OR2B11: variants seen among roughly 807,000 people sequenced by gnomAD.
OR2B11 encodes olfactory receptor family 2 subfamily B member 11.
For missense variants in OR2B11, 422 were observed against 400.0 expected, an observed-to-expected ratio of 1.05 and a Z score of -0.47; for synonymous variants, 198 against 174.5, an observed-to-expected ratio of 1.13 and a Z score of -1.06.
intron 1 of OR2B11, among the ~76,000 whole-genome samples, chr1:247,456,822 A>C (rs1664973603): frequency 6.6e-6 from 1 of 152,084 alleles, no homozygotes; most frequent in Non-Finnish European, 1.5e-5. Flanking sequence ...ATGTGTTCTC[A>C]TTGTTCAAGT....
Position 247,450,514 on chromosome 1 carries a change from A to C in OR2B11, c.*515T>G, listed in dbSNP as rs1272889578. The C allele has an allele frequency of 1.3e-5, 2 of 152,398 alleles. No homozygotes were observed. The highest frequency in any genetic ancestry group is 4.1e-4 in the South Asian group (2 of 4,834). 9.4% of individuals were successfully genotyped at this position (152,398 alleles called of 1,614,324 possible). On this transcript the variant is annotated 3_prime_UTR_variant, in exon 2 of 2. Transcript: ENST00000641149. ...ATGGAAAAACTTTCTATAGAAGAAA[A>C]TGTGAACTACAGAGAAAAAAAAATC...
Position 247,450,950 on chromosome 1 carries a change from A to T in OR2B11, c.*79T>A. ...TGAGCTCTCTGGGTATTAACTCCTT[A>T]AGTGAAAGATGCTCTGAGTGCACAA... On this transcript the variant is annotated 3_prime_UTR_variant, in exon 2 of 2. Transcript: ENST00000641149. The T allele has an allele frequency of 1.2e-6, 1 of 834,346 alleles. No individual in the cohort carries two copies. The highest frequency in any genetic ancestry group is 1.8e-6 in the Non-Finnish European group (1 of 568,470). The allele number at this position is 834,346 out of a possible 1,614,324, so 51.7% of individuals were successfully genotyped here.
rs146607138 is a variant in OR2B11, at chr1:247,451,877, G to A, written c.106C>T (p.Leu36=). Residue 36 remains leucine (L), a synonymous_variant, in exon 2 of 2, where the codon CTG becomes TTG. Transcript: ENST00000641149. ...WLELPLFVVL[L]LSYVLAMLGN... is the part of the protein sequence containing the mutation. ...AACATGGCCAGCACATAGGACAGCA[G>A]GAGGACCACAAAGAGAGGGAGTTCC... is the stretch of plus-strand genomic sequence containing the variant. The A allele has an allele frequency of 3.6e-5, 58 of 1,614,106 alleles. 1 individual carries two copies. The Middle Eastern group carries it at 1.6e-3, about 46-fold the overall frequency.
rs745322436 is a variant in OR2B11 at position 247,451,147 on chromosome 1, G to T, written c.836C>A (p.Ser279Tyr). The T allele has an allele frequency of 2.0e-6, 3 of 1,534,888 alleles. No homozygotes were observed. Among genetic ancestry groups the T allele is most frequent in the Non-Finnish European group, 2.6e-6 (3 of 1,140,934 alleles). Residue 279 changes from serine to tyrosine, a missense_variant, in exon 2 of 2, where the codon TCT (serine) becomes TAT (tyrosine). Ser to Tyr is a moderately radical substitution (Grantham distance 144, BLOSUM62 -2). Coordinates refer to ENST00000641149, the MANE Select transcript of OR2B11 (RefSeq NM_001004492.2). ...SYSQEQGKFI[S>Y]LFYSIITPTL... ...GGGGGTGATTATGGAATAGAAGAGA[G>T]AAATAAATTTGCCCTGCTCTTGGGA...
At chr1:247,456,662 G>A (rs528882618) in intron 1 of OR2B11, among the ~76,000 whole-genome samples, 3 of 151,414 alleles carry the variant, frequency 2.0e-5, no homozygotes, top group Admixed American at 2.0e-4. Context: ...GCAGAACGTG[G>A]AGGTTTGTTA....
Position 247,450,483 on chromosome 1 carries a change from C to T in OR2B11, c.*546G>A, listed in dbSNP as rs763063192. 6.6e-6 allele frequency: 1 copy of T among 152,018 alleles called. No homozygotes were observed. Among genetic ancestry groups the T allele is most frequent in the Non-Finnish European group, 1.5e-5 (1 of 68,034 alleles). 9.4% of individuals were successfully genotyped at this position (152,018 alleles called of 1,614,324 possible). On this transcript the variant is annotated 3_prime_UTR_variant, in exon 2 of 2. Transcript: ENST00000641149. ...TTGTACTAGTGTTTGTACTAGTTTA[C>T]ATTTCATGGAAAAACTTTCTATAGA...
chr1:247,451,045 C>T lies in OR2B11; in HGVS notation c.938G>A (p.Trp313Ter). The change falls in exon 2 of 2, where the codon TGG becomes TAG. Residue 313 changes from tryptophan to a stop codon, truncating the protein, a stop_gained. Transcript: ENST00000641149. LOFTEE classifies it high-confidence loss of function. ...GALRRLLARI[W>*]RLCG ...ATGTCCTCATCATCCACAGAGCCTC[C>T]AGATCCTGGCCAGAAGTCTCCTCAG... The T allele has an allele frequency of 6.7e-7, 1 of 1,498,750 alleles. No homozygotes were observed. The highest frequency in any genetic ancestry group is 1.4e-5 in the African/African-American group (1 of 71,458). 92.8% of individuals were successfully genotyped at this position (1,498,750 alleles called of 1,614,324 possible). A position where few individuals can be genotyped will look rare whatever the true frequency, so the allele number is the denominator to read the frequency against.
chr1:247,455,885 A>C (rs1664956047), intron 1 of OR2B11, among the ~76,000 whole-genome samples: 1 of 152,198 alleles, frequency 6.6e-6, no homozygotes, highest in Non-Finnish European at 1.5e-5. Context: ...ATTTAACACT[A>C]TTCATCATCT....
In OR2B11 at chr1:247,453,868, C is replaced by T. The variant is rs1444450394; in HGVS notation, c.-1886G>A. On this transcript the variant is annotated 5_prime_UTR_variant, in exon 2 of 2. Coordinates refer to ENST00000641149, the MANE Select transcript of OR2B11 (RefSeq NM_001004492.2). The stretch of plus-strand genomic sequence containing the variant: ...TAATTGACTGAGCGACTCGGGAGGA[C>T]AGCTGGTCTACCTTAGTTACACGGC... The T allele has an allele frequency of 6.6e-6, 1 of 152,220 alleles. No homozygotes were observed. Among genetic ancestry groups the T allele is most frequent in the Non-Finnish European group, 1.5e-5 (1 of 68,054 alleles). The allele number at this position is 152,220 out of a possible 1,614,324, so 9.4% of individuals were successfully genotyped here.
chr1:247,451,271 G>T lies in OR2B11; in HGVS notation c.712C>A (p.Arg238=). Residue 238 remains arginine, a synonymous_variant, in exon 2 of 2, where the codon CGA becomes AGA. Coordinates refer to ENST00000641149, the MANE Select transcript of OR2B11 (RefSeq NM_001004492.2). ...AVLRIQSSKG[R]HKAFGTCSSH... ...GAACACGTCCCAAAGGCCTTGTGTC[G>T]TCCCTTGGAGGACTGGATCCTGAGC... The T allele has an allele frequency of 6.2e-7, 1 of 1,613,760 alleles. No homozygotes were observed. Among genetic ancestry groups the T allele is most frequent in the Non-Finnish European group, 8.5e-7 (1 of 1,179,772 alleles).
Position 247,449,225 on chromosome 1 carries a change from G to A in OR2B11, c.*1804C>T, listed in dbSNP as rs571415711. 14 of 152,356 alleles carry A rather than the reference G, an allele frequency of 9.2e-5. No homozygotes were observed. The South Asian group carries it at 2.9e-3, about 32-fold the overall frequency. 9.4% of individuals were successfully genotyped at this position (152,356 alleles called of 1,614,324 possible). On this transcript the variant is annotated 3_prime_UTR_variant, in exon 2 of 2. Coordinates refer to ENST00000641149, the MANE Select transcript of OR2B11 (RefSeq NM_001004492.2). ...TTCCATTGTAGATAATTTTTAAAAC[G>A]TTACCTCACTCTAACTGTAATGAGT...
rs1306734765 is a variant in OR2B11 at position 247,453,312 on chromosome 1, C to G, written c.-1330G>C. ...ACTCTACTGTTACTGGAAAACAACTCAAACTCCAGGGTTTCAATGGAGGAA... is the reference window on the plus strand; with the variant it reads ...ACTCTACTGTTACTGGAAAACAACTGAAACTCCAGGGTTTCAATGGAGGAA... On this transcript the variant is annotated 5_prime_UTR_variant, in exon 2 of 2. Coordinates refer to ENST00000641149, the MANE Select transcript of OR2B11 (RefSeq NM_001004492.2). 1 of 152,200 alleles carries G rather than the reference C, an allele frequency of 6.6e-6. No homozygotes were observed. The highest frequency in any genetic ancestry group is 2.4e-5 in the African/African-American group (1 of 41,450). 9.4% of individuals were successfully genotyped at this position (152,200 alleles called of 1,614,324 possible).
In OR2B11 at chr1:247,451,953, C is replaced by G. The variant is rs1329084317; in HGVS notation, c.30G>C (p.Gly10=). MKSDNHSFL[G]DSPKAFILLG... The stretch of plus-strand genomic sequence containing the variant: ...GAAGGATGAAGGCTTTAGGGGAGTC[C>G]CCTAAGAAGCTATGGTTGTCACTTT... The change falls in exon 2 of 2, where the codon GGG becomes GGC. Residue 10 remains glycine, a synonymous_variant. Transcript: ENST00000641149. 1 of 1,584,618 alleles carries G rather than the reference C, an allele frequency of 6.3e-7. No homozygotes were observed. Among genetic ancestry groups the G allele is most frequent in the Non-Finnish European group, 8.6e-7 (1 of 1,165,208 alleles).
chr1:247,457,417 C>A (rs555737948), intron 1 of OR2B11, among the ~76,000 whole-genome samples: 1 of 152,152 alleles, frequency 6.6e-6, no homozygotes, highest in African/African-American at 2.4e-5. Flanking sequence ...TACCTCCAGG[C>A]AGAGCATCCT....
At chr1:247,456,421 A>C (rs946483770) in intron 1 of OR2B11, among the ~76,000 whole-genome samples, 3 of 152,196 alleles carry the variant, frequency 2.0e-5, no homozygotes, top group Admixed American at 1.3e-4. Context: ...TGCTAGGATT[A>C]CAGGCGTGAG....
intron 1 of OR2B11, among the ~76,000 whole-genome samples, chr1:247,457,232 G>T (rs7526993): frequency 0.082 from 12,521 of 151,982 alleles, 1,669 homozygotes; most frequent in African/African-American, 0.28. Context: ...GGACTGATAC[G>T]ATTCAGCTCT....
In OR2B11 at chr1:247,452,290, G is replaced by A. The variant is rs1315111742; in HGVS notation, c.-308C>T. On this transcript the variant is annotated 5_prime_UTR_variant, in exon 2 of 2. Coordinates refer to ENST00000641149, the MANE Select transcript of OR2B11 (RefSeq NM_001004492.2). ...ACCTCCTTCAATTGCCAAGACTTGGGGACGATAGAGACATTAAGTATGTGA... is the reference window on the plus strand; with the variant it reads ...ACCTCCTTCAATTGCCAAGACTTGGAGACGATAGAGACATTAAGTATGTGA... The A allele has an allele frequency of 4.7e-5, 16 of 340,132 alleles. No individual in the cohort carries two copies. The East Asian group carries it at 9.2e-4, about 20-fold the overall frequency. 21.1% of individuals were successfully genotyped at this position (340,132 alleles called of 1,614,324 possible). A position where few individuals can be genotyped will look rare whatever the true frequency, so the allele number is the denominator to read the frequency against.
Position 247,452,962 on chromosome 1 carries a change from T to G in OR2B11, c.-980A>C, listed in dbSNP as rs1016546626. ...AATTTGATTTCTGAAACCATTGCTG[T>G]TAGGAAGCAACTGGGTTGCCACCTG... On this transcript the variant is annotated 5_prime_UTR_variant, in exon 2 of 2. Coordinates refer to ENST00000641149, the MANE Select transcript of OR2B11 (RefSeq NM_001004492.2). 4 of 152,200 alleles carry G rather than the reference T, an allele frequency of 2.6e-5. No individual in the cohort carries two copies. Among genetic ancestry groups the G allele is most frequent in the African/African-American group, 4.8e-5 (2 of 41,440 alleles). The allele number at this position is 152,200 out of a possible 1,614,324, so 9.4% of individuals were successfully genotyped here.
In OR2B11 at chr1:247,451,724, C is replaced by T; in HGVS notation, c.259G>A (p.Val87Ile). Residue 87 changes from valine (V) to isoleucine (I), a missense_variant, in exon 2 of 2, where the codon GTC (valine) becomes ATC (isoleucine). By Grantham distance (29) the Val-to-Ile change is conservative. Transcript: ENST00000641149. ...GTCTTCTGGGAACTGCCCATGTTGA[C>T]CAGCATCTGAGGGACTGTCGTGGTG... ...YTTTTVPQML[V>I]NMGSSQKTIS... is the part of the protein sequence containing the mutation. 3 of 1,614,108 alleles carry T rather than the reference C, an allele frequency of 1.9e-6. No individual in the cohort carries two copies. Among genetic ancestry groups the T allele is most frequent in the Non-Finnish European group, 2.5e-6 (3 of 1,179,976 alleles).
Sources: gnomAD v4.1 joint callset for allele counts (sites outside exome capture counted in the v4.1 genomes callset) on GRCh38, gnomAD v4.1.1 for gene constraint, MANE v1.5 for transcripts, NCBI Gene and HGNC (gene_info 2026-07-23, HGNC 2026-07-21) for gene names.